Variants in LRRN4 observed in about 807,000 individuals in gnomAD.
The protein encoded by LRRN4 is leucine rich repeat neuronal 4.
A neutral mutation model predicts 22.3 loss-of-function variants in LRRN4; 26 were observed. That is an observed-to-expected ratio of 1.16 (90% CI 0.85 to 1.62). The LOEUF (loss-of-function observed/expected upper bound fraction) is 1.62, where lower values mean the gene tolerates loss of function less well. Among genes scored for constraint, LRRN4 ranks in the 40% most tolerant of loss-of-function variants. The pLI is 0.00. For synonymous variants in LRRN4, 496 were observed against 486.2 expected (o/e 1.02, Z -0.26); for missense variants, 1,070 against 1,008.5 (o/e 1.06, Z -0.83).
At position 6,044,652 on chromosome 20, in the gene LRRN4, T is replaced by C; in HGVS notation, c.889A>G (p.Thr297Ala). The change falls in exon 4 of 5, where the codon ACC becomes GCC. Residue 297 changes from threonine (T) to alanine (A), a missense_variant. Thr to Ala is a moderately conservative substitution (Grantham distance 58, BLOSUM62 0). Transcript: ENST00000378858. ...GATAGGACCTGGGAGGAATCCAGGG[T>C]CCAAGGAGGGAAGGAACTCAAGTTG... ...NCNLSSFPPW[T>A]LDSSQVLSIN... The C allele has an allele frequency of 1.9e-6, 3 of 1,561,764 alleles. No individual in the cohort carries two copies. Among genetic ancestry groups the C allele is most frequent in the Non-Finnish European group, 2.6e-6 (3 of 1,156,864 alleles).
In LRRN4 at chr20:6,041,539, C is replaced by T. The variant is rs1270313348; in HGVS notation, c.1706G>A (p.Arg569Gln). 8 of 1,550,614 alleles carry T rather than the reference C, an allele frequency of 5.2e-6. No homozygotes were observed. Among genetic ancestry groups the T allele is most frequent in the South Asian group, 1.2e-5 (1 of 80,596 alleles). The change falls in exon 5 of 5, where the codon CGG becomes CAG. Residue 569 changes from arginine to glutamine, a missense_variant. Transcript: ENST00000378858. This position sits in a 1 kb window ranked among gnomAD's most constrained non-coding sequence, Gnocchi z 9.4. ...CAELQRRWRC[R>Q]CPGLSGEDTI... ...GTCTTCCCCGCTGAGGCCGGGGCAC[C>T]GGCACCGCCACCGCCTCTGCAGCTC... is the stretch of plus-strand genomic sequence containing the variant.
chr20:6,044,557 T>C lies in LRRN4; in HGVS notation c.984A>G (p.Arg328=), dbSNP rs776798270. Reference sequence around the variant, plus strand: ...AAATGTGTTACCTGCTTAGGACAGTTCTCTTTGCATCCGTGAGGAGCCAAG... The same window carrying C: ...AAATGTGTTACCTGCTTAGGACAGTCCTCTTTGCATCCGTGAGGAGCCAAG... The part of the protein sequence containing the change: ...DLSWLLTDAK[R]TVLSRAADTM... Residue 328 remains arginine, a synonymous_variant, in exon 4 of 5, where the codon AGA becomes AGG. Transcript: ENST00000378858. 1.3e-6 allele frequency: 2 copies of C among 1,581,982 alleles called. No individual in the cohort carries two copies. Among genetic ancestry groups the C allele is most frequent in the East Asian group, 4.6e-5 (2 of 43,396 alleles).
rs777444275 is a variant in LRRN4, at chr20:6,041,192, A to G, written c.2053T>C (p.Ser685Pro). ...TTKPSFALLLSGLCAASGLLL... is the reference protein window; with the variant it reads ...TTKPSFALLLPGLCAASGLLL... Reference sequence around the variant, plus strand: ...AGGCCGCTGGCGGCGCACAGCCCAGAGAGCAGGAGCGCGAAGCTGGGCTTG... The same window carrying G: ...AGGCCGCTGGCGGCGCACAGCCCAGGGAGCAGGAGCGCGAAGCTGGGCTTG... Residue 685 changes from serine (S) to proline (P), a missense_variant, in exon 5 of 5, where the codon TCT becomes CCT. Ser to Pro is a moderately conservative substitution (Grantham distance 74). Transcript: ENST00000378858. The surrounding 1 kb of genome is among the most constrained non-coding windows in gnomAD (Gnocchi z 9.4). The G allele has an allele frequency of 6.9e-6, 11 of 1,592,410 alleles. No individual in the cohort carries two copies. Among genetic ancestry groups the G allele is most frequent in the Non-Finnish European group, 8.6e-6 (10 of 1,167,828 alleles).
intron 3 of LRRN4, among the ~76,000 whole-genome samples, chr20:6,048,914 G>A (rs897660044): frequency 1.3e-5 from 2 of 152,212 alleles, no homozygotes; most frequent in African/African-American, 2.4e-5. Context: ...AATAGGCAAG[G>A]ACATTAAGAA....
At chr20:6,052,881 T>G in intron 1 of LRRN4, 77 bp from the exon 2 acceptor site, 2 of 1,374,924 alleles carry the variant, frequency 1.5e-6, no homozygotes, top group Non-Finnish European at 2.0e-6. Flanking sequence ...GTCCCAACCC[T>G]ACCTCCAGGG....
chr20:6,052,640 C>T lies in LRRN4; in HGVS notation c.160G>A (p.Ala54Thr). 2 of 1,585,144 alleles carry T rather than the reference C, an allele frequency of 1.3e-6. No individual in the cohort carries two copies. The highest frequency in any genetic ancestry group is 1.1e-5 in the South Asian group (1 of 88,924). The change falls in exon 2 of 5, where the codon GCG becomes ACG. Residue 54 changes from alanine (A) to threonine (T), a missense_variant. Transcript: ENST00000378858. ...TDSPCEGLPA[A>T]DATALTLANR... ...GCCAGGGTCAAGGCCGTCGCATCCG[C>T]GGCGGGCAGCCCCTCGCAGGGCGAG...
intron 4 of LRRN4, among the ~76,000 whole-genome samples, chr20:6,042,864 A>G (rs1430534789): frequency 6.7e-6 from 1 of 148,436 alleles, no homozygotes; most frequent in East Asian, 2.0e-4. Context: ...GGTTGCAGTG[A>G]GCTGAGATTG....
At chr20:6,047,366 A>C (rs1469586867) in intron 3 of LRRN4, among the ~76,000 whole-genome samples, 1 of 151,580 alleles carries the variant, frequency 6.6e-6, no homozygotes, top group African/African-American at 2.4e-5. Flanking sequence ...AAAATGATGA[A>C]AGTTATTAGA....
chr20:6,051,936 T>A (rs1256661581), intron 2 of LRRN4, among the ~76,000 whole-genome samples: 2 of 152,222 alleles, frequency 1.3e-5, no homozygotes, highest in Non-Finnish European at 2.9e-5. Flanking sequence ...ACAGTTCCTA[T>A]CTCTTAGGAT....
In LRRN4 at chr20:6,052,803, G is replaced by T. The variant is rs1464517682; in HGVS notation, c.-4C>A. 1.9e-6 allele frequency: 3 copies of T among 1,561,498 alleles called. No individual in the cohort carries two copies. The highest frequency in any genetic ancestry group is 2.6e-6 in the Non-Finnish European group (3 of 1,161,012). On this transcript the variant is annotated splice_region_variant and 5_prime_UTR_variant, in exon 2 of 5. Transcript: ENST00000378858. The stretch of plus-strand genomic sequence containing the variant: ...GCAGCGGTAGGGTTTGCCGCATGGC[G>T]TCTGGGGAGAGAACAGCAGGACGCC...
At chr20:6,047,522 C>T (rs1981134412) in intron 3 of LRRN4, among the ~76,000 whole-genome samples, 1 of 151,402 alleles carries the variant, frequency 6.6e-6, no homozygotes, top group Non-Finnish European at 1.5e-5. Context: ...AGCGGTGGCT[C>T]ACACCCATAA....
At chr20:6,047,297 T>A (rs557562296) in intron 3 of LRRN4, among the ~76,000 whole-genome samples, 66 of 152,300 alleles carry the variant, frequency 4.3e-4, no homozygotes, top group African/African-American at 1.5e-3. Flanking sequence ...GAATTGTTAA[T>A]AGAAATTGCA....
In LRRN4 at chr20:6,040,899, A is replaced by G; in HGVS notation, c.*123T>C. ...AGTGTGGCAAGTTCCATGTGTGCTC[A>G]AGGCATTCTGGCTTCACGGGAATTA... is the stretch of plus-strand genomic sequence containing the variant. On this transcript the variant is annotated 3_prime_UTR_variant, in exon 5 of 5. Coordinates refer to ENST00000378858, the MANE Select transcript of LRRN4 (RefSeq NM_152611.5). 7.4e-7 allele frequency: 1 copy of G among 1,353,590 alleles called. No individual in the cohort carries two copies. Among genetic ancestry groups the G allele is most frequent in the South Asian group, 1.4e-5 (1 of 71,198 alleles). 83.8% of individuals were successfully genotyped at this position (1,353,590 alleles called of 1,614,324 possible).
chr20:6,047,519 G>A (rs1981134264), intron 3 of LRRN4, among the ~76,000 whole-genome samples: 3 of 150,828 alleles, frequency 2.0e-5, no homozygotes, highest in Admixed American at 1.3e-4. Context: ...GGGAGCGGTG[G>A]CTCACACCCA....
In LRRN4 at chr20:6,041,144, G is replaced by A. The variant is rs113229963; in HGVS notation, c.2101C>T (p.Leu701=). The change falls in exon 5 of 5, where the codon CTG becomes TTG. Residue 701 remains leucine (L), a synonymous_variant. Transcript: ENST00000378858. This position sits in a 1 kb window ranked among gnomAD's most constrained non-coding sequence, Gnocchi z 9.4. ...CCCCGCCTGCAGAGACATGCGGACAGCACCACGGTGCTGGCGAGCAACAGG... is the reference window on the plus strand; with the variant it reads ...CCCCGCCTGCAGAGACATGCGGACAACACCACGGTGCTGGCGAGCAACAGG... ...SGLLLASTVV[L]SACLCRRGQT... 8.8e-5 allele frequency: 141 copies of A among 1,607,806 alleles called. No individual in the cohort carries two copies. The African/African-American group carries it at 1.7e-3, about 19-fold the overall frequency.
chr20:6,041,791 G>C lies in LRRN4; in HGVS notation c.1454C>G (p.Pro485Arg), dbSNP rs370258937. 3.7e-6 allele frequency: 6 copies of C among 1,614,020 alleles called. No individual in the cohort carries two copies. The African/African-American group carries it at 8.0e-5, about 22-fold the overall frequency. The change falls in exon 5 of 5, where the codon CCC (proline) becomes CGC (arginine). Residue 485 changes from proline (P) to arginine (R), a missense_variant. Physicochemically the swap from Pro to Arg is moderately radical, Grantham distance 103. Transcript: ENST00000378858. The surrounding 1 kb of genome is among the most constrained non-coding windows in gnomAD (Gnocchi z 9.4). ...STPLASKLLG[P>R]FPTSWDRSIS... ...GCTGCGGTCCCACGAGGTAGGGAAG[G>C]GGCCCAGGAGCTTGCTGGCCAGTGG...
chr20:6,051,103 G>T, intron 2 of LRRN4, 120 bp from the exon 3 acceptor site: 1 of 803,684 alleles, frequency 1.2e-6, no homozygotes, highest in Non-Finnish European at 2.1e-6. Context: ...CTGAGCACGG[G>T]CACAGTTAGC....
In LRRN4 at chr20:6,050,785, A is replaced by G. The variant is rs780396814; in HGVS notation, c.854T>C (p.Phe285Ser). Residue 285 changes from phenylalanine (F) to serine (S), a missense_variant, in exon 3 of 5, where the codon TTC becomes TCC. Coordinates refer to ENST00000378858, the MANE Select transcript of LRRN4 (RefSeq NM_152611.5). Reference protein sequence around the residue: ...QDTPHLQVLLFQNCNLSSFPP... With the variant: ...QDTPHLQVLLSQNCNLSSFPP... ...GTGCCTCAGAAGCACTTACTTCTGG[A>G]ACAGAAGGACCTGTAGATGTGGAGT... The G allele has an allele frequency of 1.2e-6, 2 of 1,613,584 alleles. No individual in the cohort carries two copies.
In LRRN4 at chr20:6,041,176, G is replaced by T. The variant is rs1462874599; in HGVS notation, c.2069C>A (p.Ala690Asp). 6.3e-7 allele frequency: 1 copy of T among 1,598,580 alleles called. No homozygotes were observed. The highest frequency in any genetic ancestry group is 8.5e-7 in the Non-Finnish European group (1 of 1,172,130). The change falls in exon 5 of 5, where the codon GCC (alanine) becomes GAC (aspartate). Residue 690 changes from alanine to aspartate, a missense_variant. By Grantham distance (126) the Ala-to-Asp change is moderately radical (BLOSUM62 -2). Coordinates refer to ENST00000378858, the MANE Select transcript of LRRN4 (RefSeq NM_152611.5). The surrounding 1 kb of genome is among the most constrained non-coding windows in gnomAD (Gnocchi z 9.4). ...GGTGCTGGCGAGCAACAGGCCGCTG[G>T]CGGCGCACAGCCCAGAGAGCAGGAG... is the stretch of plus-strand genomic sequence containing the variant. The part of the protein sequence containing the change: ...FALLLSGLCA[A>D]SGLLLASTVV...
Sources: allele counts gnomAD v4.1 joint callset (sites outside exome capture counted in the v4.1 genomes callset), GRCh38; gene constraint gnomAD v4.1.1; non-coding constraint Gnocchi (gnomAD v3.1); transcripts MANE v1.5; gene names NCBI Gene and HGNC (gene_info 2026-07-23, HGNC 2026-07-21).